The following ZNF385B variants were observed in gnomAD, a reference collection of about 807,000 sequenced individuals.
ZNF385B encodes zinc finger protein 385B.
ZNF385B carries 23 observed loss-of-function variants against 39.2 expected under a neutral mutation model. That is an observed-to-expected ratio of 0.59 (90% CI 0.42 to 0.83). The LOEUF is 0.83. Among genes scored for constraint, ZNF385B ranks in the 40% least tolerant of loss-of-function variants. The pLI, the probability that ZNF385B is intolerant of heterozygous loss-of-function variation, is 0.00. For synonymous variants in ZNF385B, 205 were observed against 222.6 expected, an observed-to-expected ratio of 0.92 and a Z score of 0.70; for missense variants, 552 against 598.9, an observed-to-expected ratio of 0.92 and a Z score of 0.82.
intron 3 of ZNF385B, among the ~76,000 whole-genome samples, chr2:179,762,946 C>G (rs550788177): frequency 6.6e-6 from 1 of 152,210 alleles, no homozygotes; most frequent in South Asian, 2.1e-4. Context: ...GCTCTGTCTC[C>G]CAGGCTGGAG....
intron 3 of ZNF385B, among the ~76,000 whole-genome samples, chr2:179,582,398 A>G (rs1158214746): frequency 6.6e-6 from 1 of 152,210 alleles, no homozygotes; most frequent in Non-Finnish European, 1.5e-5. Flanking sequence ...GAGAAAAAGT[A>G]TGCTGATTCT....
At chr2:179,689,273 C>T (rs553563792) in intron 3 of ZNF385B, among the ~76,000 whole-genome samples, 6 of 152,230 alleles carry the variant, frequency 3.9e-5, no homozygotes, top group African/African-American at 7.2e-5. Context: ...AAAAGCTTTA[C>T]GGGTAAAAGC....
chr2:179,451,079 A>T (rs2050088343), intron 6 of ZNF385B, among the ~76,000 whole-genome samples: 1 of 123,566 alleles, frequency 8.1e-6, no homozygotes, highest in Non-Finnish European at 1.6e-5. Flanking sequence ...GAAGGGGAAC[A>T]TCACACACTG....
intron 4 of ZNF385B, among the ~76,000 whole-genome samples, chr2:179,525,647 T>C (rs2058837782): frequency 6.6e-6 from 1 of 152,206 alleles, no homozygotes; most frequent in African/African-American, 2.4e-5. Context: ...GAGGCAGACA[T>C]GATTATTATC....
At chr2:179,503,174 A>G (rs1311990699) in intron 5 of ZNF385B, among the ~76,000 whole-genome samples, 1 of 152,098 alleles carries the variant, frequency 6.6e-6, no homozygotes, top group East Asian at 1.9e-4. Flanking sequence ...TGTGCCTGGT[A>G]AGAATTATTT....
intron 1 of ZNF385B, among the ~76,000 whole-genome samples, chr2:179,823,131 C>T (rs1707497377): frequency 6.6e-6 from 1 of 152,128 alleles, no homozygotes; most frequent in African/African-American, 2.4e-5. Context: ...AATTCACTAA[C>T]CTTGATTCCA....
intron 3 of ZNF385B, among the ~76,000 whole-genome samples, chr2:179,737,870 T>G (rs1036494697): frequency 2.0e-5 from 3 of 152,208 alleles, no homozygotes; most frequent in Admixed American, 6.5e-5. Context: ...AGCTGCGCTT[T>G]GAATGCCTCA....
rs987694165 is a variant in ZNF385B, at chr2:179,544,893, G to T, written c.375C>A (p.Ile125=). 1 of 1,614,122 alleles carries T rather than the reference G, an allele frequency of 6.2e-7. No homozygotes were observed. The highest frequency in any genetic ancestry group is 2.2e-5 in the East Asian group (1 of 44,872). Residue 125 remains isoleucine (I), a synonymous_variant, in exon 4 of 10, where the codon ATC becomes ATA. Transcript: ENST00000410066. ...CCACTGGAAAAGACATAAATGGTTT[G>T]ATATCCAGTGAAGGCTGCATCATCA... ...PTLMMQPSLD[I]KPFMSFPVDS... is the part of the protein sequence containing the mutation.
chr2:179,593,191 G>C (rs1016293028), intron 3 of ZNF385B, among the ~76,000 whole-genome samples: 3 of 151,518 alleles, frequency 2.0e-5, no homozygotes, highest in African/African-American at 7.3e-5. Context: ...AATAAACACT[G>C]AAATAAAACA....
intron 6 of ZNF385B, among the ~76,000 whole-genome samples, chr2:179,472,146 C>T (rs2052844730): frequency 6.6e-6 from 1 of 152,092 alleles, no homozygotes; most frequent in African/African-American, 2.4e-5. Context: ...AGTTGCCTTC[C>T]AAAAGGGTTC....
intron 3 of ZNF385B, among the ~76,000 whole-genome samples, chr2:179,713,831 C>T (rs1700155852): frequency 1.3e-5 from 2 of 152,178 alleles, no homozygotes; most frequent in African/African-American, 4.8e-5. Context: ...CTGCTTAACT[C>T]ATAAATCTTT....
At chr2:179,572,845 T>C (rs540333356) in intron 3 of ZNF385B, among the ~76,000 whole-genome samples, 1 of 152,280 alleles carries the variant, frequency 6.6e-6, no homozygotes, top group South Asian at 2.1e-4. Flanking sequence ...GCCCTGTTTA[T>C]TCTGTACCGC....
intron 3 of ZNF385B, among the ~76,000 whole-genome samples, chr2:179,643,930 T>C (rs1482257374): frequency 6.6e-6 from 1 of 152,176 alleles, no homozygotes; most frequent in Non-Finnish European, 1.5e-5. Context: ...TCAATAAATG[T>C]TATGTTTATA....
chr2:179,821,835 T>C (rs1185437822), intron 1 of ZNF385B, among the ~76,000 whole-genome samples: 1 of 152,122 alleles, frequency 6.6e-6, no homozygotes, highest in African/African-American at 2.4e-5. Context: ...AATGAAATGG[T>C]ACAGTTCATA....
chr2:179,591,172 TTA>T (rs1189385251), intron 3 of ZNF385B, among the ~76,000 whole-genome samples: 3 of 151,970 alleles, frequency 2.0e-5, no homozygotes, highest in Admixed American at 1.3e-4. Flanking sequence ...GAAAATTATT[TTA>T]TGTTATTTTT....
Position 179,678,738 on chromosome 2 carries a change from A to G in ZNF385B, c.298+90765T>C, listed in dbSNP as rs190292016. 6.6e-5 allele frequency among the ~76,000 whole-genome samples: 10 copies of G among 152,306 alleles called. No homozygotes were observed. In the East Asian group the frequency reaches 1.7e-3, roughly 26 times the overall value. On this transcript the variant is annotated intron_variant, in intron 3 of 9. Transcript: ENST00000410066. ...AATGCCTTCTCAAGTCCACTTTCCTAACCAGCTGTGTCCTCTGCCATACTC... is the reference window on the plus strand; with the variant it reads ...AATGCCTTCTCAAGTCCACTTTCCTGACCAGCTGTGTCCTCTGCCATACTC...
intron 5 of ZNF385B, among the ~76,000 whole-genome samples, chr2:179,515,528 A>G (rs2058028797): frequency 6.6e-6 from 1 of 152,202 alleles, no homozygotes; most frequent in African/African-American, 2.4e-5. Flanking sequence ...ATAACAACAG[A>G]CTTTAATTTC....
intron 1 of ZNF385B, among the ~76,000 whole-genome samples, chr2:179,829,016 T>A (rs1264776935): frequency 1.3e-5 from 2 of 150,264 alleles, no homozygotes; most frequent in Non-Finnish European, 3.0e-5. Flanking sequence ...ACTCAAAGGA[T>A]GGGATGGATT....
intron 1 of ZNF385B, among the ~76,000 whole-genome samples, chr2:179,844,517 C>A (rs12998578): frequency 0.024 from 3,683 of 152,166 alleles, 69 homozygotes; most frequent in African/African-American, 0.043. Flanking sequence ...AGTCAAGCAC[C>A]CCATAGTCTC....
Sources: allele counts gnomAD v4.1 joint callset (sites outside exome capture counted in the v4.1 genomes callset), GRCh38; gene constraint gnomAD v4.1.1; transcripts MANE v1.5; gene names NCBI Gene and HGNC (gene_info 2026-07-23, HGNC 2026-07-21).